EFNA5: variants seen among roughly 807,000 people sequenced by gnomAD.
The protein encoded by EFNA5 is ephrin A5.
Under a neutral mutation model 22.9 loss-of-function variants are expected in EFNA5, and 5 were observed. The observed-to-expected ratio is 0.22, with a 90% CI of 0.11 to 0.46. The LOEUF is 0.46. Ranked by LOEUF, EFNA5 falls within the 20% of genes least tolerant of loss-of-function variation. The probability of loss-of-function intolerance (pLI) is 0.99; values close to 1 mark genes in which losing one functional copy is unlikely to be tolerated. For missense variants in EFNA5, 237 were observed against 293.3 expected (o/e 0.81, Z 1.40); for synonymous variants, 113 against 112.2 (o/e 1.01, Z -0.04).
intron 1 of EFNA5, among the ~76,000 whole-genome samples, chr5:107,620,921 G>A (rs368025266): frequency 1.3e-5 from 2 of 152,214 alleles, no homozygotes; most frequent in East Asian, 1.9e-4. Context: ...TGGAGCAGAG[G>A]AGTAAGAAAA....
intron 1 of EFNA5, among the ~76,000 whole-genome samples, chr5:107,643,918 G>A (rs556183063): frequency 6.6e-6 from 1 of 151,970 alleles, no homozygotes; most frequent in East Asian, 1.9e-4. Flanking sequence ...CACATGGCTA[G>A]AGAAAGTCTG....
Position 107,381,160 on chromosome 5 carries a change from A to T in EFNA5, c.*95T>A. On this transcript the variant is annotated 3_prime_UTR_variant, in exon 5 of 5. Transcript: ENST00000333274. ...AAAAATCTGACATCTGCCAAAACCC[A>T]ATAACAAGTCCCTTCTTAGGATGAG... 1 of 1,474,776 alleles carries T rather than the reference A, an allele frequency of 6.8e-7. No homozygotes were observed. Among genetic ancestry groups the T allele is most frequent in the Non-Finnish European group, 9.1e-7 (1 of 1,097,318 alleles). The allele number at this position is 1,474,776 out of a possible 1,614,324, so 91.4% of individuals were successfully genotyped here.
chr5:107,561,603 C>T (rs1051226579), intron 1 of EFNA5, among the ~76,000 whole-genome samples: 1 of 152,100 alleles, frequency 6.6e-6, no homozygotes, highest in Non-Finnish European at 1.5e-5. Flanking sequence ...CTCCTGACCT[C>T]GTGACCCGCC....
At position 107,380,454 on chromosome 5, in the gene EFNA5, G is replaced by A. The variant is rs140234498; in HGVS notation, c.*801C>T. 2.3e-3 allele frequency: 365 copies of A among 155,592 alleles called. 3 individuals carry two copies. Among genetic ancestry groups the A allele is most frequent in the African/African-American group, 8.9e-3 (329 of 36,898 alleles). 9.6% of individuals were successfully genotyped at this position (155,592 alleles called of 1,614,324 possible). A position where few individuals can be genotyped will look rare whatever the true frequency, so the allele number is the denominator to read the frequency against. Reference sequence around the variant, plus strand: ...ATCTGTATTCAAAGAAAAAATATCTGGTGTGCACTGCCCAGTCACCAAAAA... The same window carrying A: ...ATCTGTATTCAAAGAAAAAATATCTAGTGTGCACTGCCCAGTCACCAAAAA... On this transcript the variant is annotated 3_prime_UTR_variant, in exon 5 of 5. Coordinates refer to ENST00000333274, the MANE Select transcript of EFNA5 (RefSeq NM_001962.3).
intron 1 of EFNA5, among the ~76,000 whole-genome samples, chr5:107,605,017 A>T (rs750171066): frequency 6.6e-6 from 1 of 152,050 alleles, no homozygotes; most frequent in Non-Finnish European, 1.5e-5. Context: ...AACTAGTTAA[A>T]CTAGTTGATT....
intron 1 of EFNA5, among the ~76,000 whole-genome samples, chr5:107,475,311 C>CTTCA (rs1750252961): frequency 6.6e-6 from 1 of 152,238 alleles, no homozygotes; most frequent in African/African-American, 2.4e-5. Context: ...ATTTCACATA[C>CTTCA]TTCACACTTA....
At chr5:107,406,145 G>A (rs166172) in intron 2 of EFNA5, among the ~76,000 whole-genome samples, 53 of 118,832 alleles carry the variant, frequency 4.5e-4, no homozygotes, top group Non-Finnish European at 4.9e-4. Context: ...ACAAATACAT[G>A]TATTTGTATA....
chr5:107,557,127 T>C (rs189429649), intron 1 of EFNA5, among the ~76,000 whole-genome samples: 2 of 152,296 alleles, frequency 1.3e-5, no homozygotes, highest in African/African-American at 4.8e-5. Flanking sequence ...ACAGCATGTC[T>C]ATCATTATAT....
intron 1 of EFNA5, among the ~76,000 whole-genome samples, chr5:107,644,609 G>C (rs1750592129): frequency 6.6e-6 from 1 of 152,214 alleles, no homozygotes; most frequent in East Asian, 1.9e-4. Flanking sequence ...TTACCTAGTT[G>C]GTAACTGACA....
intron 1 of EFNA5, among the ~76,000 whole-genome samples, chr5:107,538,166 T>A (rs1250444679): frequency 6.6e-6 from 1 of 152,158 alleles, no homozygotes; most frequent in African/African-American, 2.4e-5. Flanking sequence ...AAAGGGTGCA[T>A]CTCCAATTTT....
chr5:107,600,689 C>T (rs531900447), intron 1 of EFNA5, among the ~76,000 whole-genome samples: 7 of 151,868 alleles, frequency 4.6e-5, no homozygotes, highest in East Asian at 1.9e-4. Flanking sequence ...GGTTTCACCA[C>T]GTTGGCCAGC....
chr5:107,569,559 TTATATATATATA>T (rs70996962), intron 1 of EFNA5, among the ~76,000 whole-genome samples: 25 of 42,498 alleles, frequency 5.9e-4, no homozygotes, highest in Middle Eastern at 0.016. Flanking sequence ...ATATATATAT[TTATATATATATA>T]TATATATATA....
At position 107,387,357 on chromosome 5, in the gene EFNA5, G is replaced by A. The variant is rs746433185; in HGVS notation, c.485-42C>T. The A allele has an allele frequency of 2.2e-6, 3 of 1,346,268 alleles. No individual in the cohort carries two copies. The African/African-American group carries it at 4.4e-5, about 20-fold the overall frequency. The allele number at this position is 1,346,268 out of a possible 1,614,324, so 83.4% of individuals were successfully genotyped here. On this transcript the variant is annotated intron_variant, in intron 3 of 4. Coordinates refer to ENST00000333274, the MANE Select transcript of EFNA5 (RefSeq NM_001962.3). The stretch of plus-strand genomic sequence containing the variant: ...GATAACAGCCAAATATGTTAGTGAA[G>A]ACACCCTTAAACTCCCATTTCTTTC...
Position 107,670,562 on chromosome 5 carries a change from C to T in EFNA5, c.52G>A (p.Val18Met). The change falls in exon 1 of 5, where the codon GTG (valine) becomes ATG (methionine). Residue 18 changes from valine (V) to methionine (M), a missense_variant. This residue lies in a region of EFNA5 where 120 missense variants were observed against 140.5 expected (regional missense o/e 0.85). Transcript: ENST00000333274. The stretch of plus-strand genomic sequence containing the variant: ...TTGGAGCCCGGGTCCTGGCTGAACA[C>T]ACACATCCAGAGCACCAGAAACACC... ...TLVFLVLWMC[V>M]FSQDPGSKAV... is the part of the protein sequence containing the mutation. 3.1e-6 allele frequency: 5 copies of T among 1,600,452 alleles called. No homozygotes were observed. Among genetic ancestry groups the T allele is most frequent in the Non-Finnish European group, 4.3e-6 (5 of 1,173,754 alleles).
rs1222915436 is a variant in EFNA5 at position 107,442,572 on chromosome 5, T to C, written c.126-15063A>G. Among the ~76,000 whole-genome samples, 3 of 152,194 alleles carry C rather than the reference T, an allele frequency of 2.0e-5. No individual in the cohort carries two copies. In the South Asian group the frequency reaches 6.2e-4, roughly 31 times the overall value. ...AGCTGATTGTATTATCAACTGTCTA[T>C]TGCATTAGCAATTTCCAGCTGAATT... On this transcript the variant is annotated intron_variant, in intron 1 of 4. Coordinates refer to ENST00000333274, the MANE Select transcript of EFNA5 (RefSeq NM_001962.3).
At chr5:107,601,964 T>A (rs891479594) in intron 1 of EFNA5, among the ~76,000 whole-genome samples, 1 of 152,182 alleles carries the variant, frequency 6.6e-6, no homozygotes, top group African/African-American at 2.4e-5. Context: ...AACCAATTAT[T>A]TTCCCCTTTC....
At chr5:107,533,994 C>A (rs1747876234) in intron 1 of EFNA5, among the ~76,000 whole-genome samples, 1 of 152,172 alleles carries the variant, frequency 6.6e-6, no homozygotes, top group Non-Finnish European at 1.5e-5. Context: ...CCCCTGAGAA[C>A]TATTTTATGA....
At chr5:107,570,737 G>T (rs1748785097) in intron 1 of EFNA5, among the ~76,000 whole-genome samples, 1 of 152,120 alleles carries the variant, frequency 6.6e-6, no homozygotes, top group Admixed American at 6.5e-5. Flanking sequence ...AAAAATTAAT[G>T]TTGGAACCCT....
chr5:107,604,050 C>T (rs944075310), intron 1 of EFNA5, among the ~76,000 whole-genome samples: 1 of 152,158 alleles, frequency 6.6e-6, no homozygotes, highest in Non-Finnish European at 1.5e-5. Context: ...AGGTGAAGTA[C>T]ACACATTTCT....
Sources: gnomAD v4.1 joint callset for allele counts (sites outside exome capture counted in the v4.1 genomes callset) on GRCh38, gnomAD v4.1.1 for gene constraint, gnomAD v4.1.1 regional missense constraint, MANE v1.5 for transcripts, NCBI Gene and HGNC (gene_info 2026-07-23, HGNC 2026-07-21) for gene names.